PRTG: variants seen among roughly 807,000 people sequenced by gnomAD.
PRTG encodes the protein immunoglobulin superfamily, DCC subclass, member 5.
A neutral mutation model predicts 122.5 loss-of-function variants in PRTG; 67 were observed. The observed-to-expected ratio is 0.55, with a 90% CI of 0.45 to 0.67. The LOEUF (loss-of-function observed/expected upper bound fraction) is 0.67, where lower values mean the gene tolerates loss of function less well. Among genes scored for constraint, PRTG ranks in the 30% least tolerant of loss-of-function variants. The probability of loss-of-function intolerance (pLI) is 0.00; values close to 1 mark genes in which losing one functional copy is unlikely to be tolerated. For missense variants in PRTG, 1,435 were observed against 1,415.4 expected (o/e 1.01, Z -0.22); for synonymous variants, 554 against 501.1 (o/e 1.11, Z -1.41).
chr15:55,658,354 C>T (rs962403080), intron 11 of PRTG, among the ~76,000 whole-genome samples: 13 of 150,328 alleles, frequency 8.6e-5, no homozygotes, highest in African/African-American at 2.7e-4. Flanking sequence ...CTTGCTCTGT[C>T]GCCTAAGTTG....
chr15:55,627,135 G>A lies in PRTG; in HGVS notation c.2807-7C>T, dbSNP rs1595601980. On this transcript the variant is annotated splice_region_variant and splice_polypyrimidine_tract_variant and intron_variant, in intron 16 of 19. Coordinates refer to ENST00000389286, the MANE Select transcript of PRTG (RefSeq NM_173814.6). ...TGGTAATATCCTGAATAAACTAGAA[G>A]GGAAAACACATTTACTCAGAATCAA... 3.2e-6 allele frequency: 5 copies of A among 1,568,900 alleles called. No individual in the cohort carries two copies. Among genetic ancestry groups the A allele is most frequent in the African/African-American group, 1.4e-5 (1 of 73,374 alleles).
intron 2 of PRTG, among the ~76,000 whole-genome samples, chr15:55,705,295 A>G (rs2030057204): frequency 6.6e-6 from 1 of 152,146 alleles, no homozygotes; most frequent in Non-Finnish European, 1.5e-5. Flanking sequence ...ATTCATGCAA[A>G]AAGAACAGGT....
chr15:55,738,857 G>C (rs1454122641), intron 2 of PRTG, among the ~76,000 whole-genome samples: 1 of 143,504 alleles, frequency 7.0e-6, no homozygotes, highest in Non-Finnish European at 1.5e-5. Flanking sequence ...GGCAGAGGAG[G>C]GGAGGGAAGG....
At chr15:55,640,202 C>A (rs1245284922) in intron 12 of PRTG, among the ~76,000 whole-genome samples, 2 of 152,170 alleles carry the variant, frequency 1.3e-5, no homozygotes, top group Admixed American at 6.5e-5. Context: ...AACTGTATAG[C>A]ATGATATTGT....
At chr15:55,733,638 G>A (rs1261838487) in intron 2 of PRTG, among the ~76,000 whole-genome samples, 1 of 151,958 alleles carries the variant, frequency 6.6e-6, no homozygotes, top group South Asian at 2.1e-4. Context: ...GTCAGCCTGG[G>A]CAACATAGCA....
intron 11 of PRTG, among the ~76,000 whole-genome samples, chr15:55,653,790 CCCAAATGACTGG>C (rs1457990912): frequency 6.6e-5 from 10 of 152,166 alleles, no homozygotes; most frequent in Non-Finnish European, 1.2e-4. Flanking sequence ...TAAAACCTCC[CCCAAATGACTGG>C]GATTGTTTTG....
chr15:55,701,492 CCACTG>C (rs756681383), intron 2 of PRTG, among the ~76,000 whole-genome samples: 1 of 152,136 alleles, frequency 6.6e-6, no homozygotes, highest in Non-Finnish European at 1.5e-5. Context: ...CGAGATCACG[CCACTG>C]CACCCCAGCC....
chr15:55,650,416 G>GTTC (rs1289778065), intron 11 of PRTG, among the ~76,000 whole-genome samples: 2 of 152,106 alleles, frequency 1.3e-5, no homozygotes, highest in East Asian at 3.9e-4. Context: ...AAGAAGCATG[G>GTTC]GGAAGAAGAG....
At position 55,732,532 on chromosome 15, in the gene PRTG, C is replaced by T. The variant is rs914351768; in HGVS notation, c.397+7850G>A. On this transcript the variant is annotated intron_variant, in intron 2 of 19. Transcript: ENST00000389286. Reference sequence around the variant, plus strand: ...TTTTTGAGACGGAGTTTCGCTCTTGCTGCCCAGGCTGAAGTGCAATGGCGC... The same window carrying T: ...TTTTTGAGACGGAGTTTCGCTCTTGTTGCCCAGGCTGAAGTGCAATGGCGC... Among the ~76,000 whole-genome samples the T allele has an allele frequency of 1.0e-4, 14 of 137,448 alleles. No individual in the cohort carries two copies. In the East Asian group the frequency reaches 3.1e-3, roughly 30 times the overall value. 90.2% of individuals were successfully genotyped at this position (137,448 alleles called of 152,430 possible).
intron 2 of PRTG, chr15:55,738,757 G>C (rs1237132685): frequency 4.3e-6 from 1 of 230,124 alleles, no homozygotes; most frequent in Non-Finnish European, 8.4e-6. Context: ...CAGAGGGAGG[G>C]AAGAGACAGG....
chr15:55,620,386 T>G (rs1595597428), intron 19 of PRTG, 120 bp from the exon 20 acceptor site: 1 of 1,494,162 alleles, frequency 6.7e-7, no homozygotes, highest in Non-Finnish European at 8.9e-7. Context: ...GCAAGCGAAG[T>G]GTCAAAAGCT....
rs2059134626 is a variant in PRTG, at chr15:55,614,671, T to C, written c.*5341A>G. The C allele has an allele frequency of 6.6e-6, 1 of 152,196 alleles. No individual in the cohort carries two copies. Among genetic ancestry groups the C allele is most frequent in the African/African-American group, 2.4e-5 (1 of 41,454 alleles). The allele number at this position is 152,196 out of a possible 1,614,324, so 9.4% of individuals were successfully genotyped here. ...ATGAGATGTTATTTTATGAAGCACA[T>C]ATTCAGAAACTTTAAAGATAAATTG... On this transcript the variant is annotated 3_prime_UTR_variant, in exon 20 of 20. Transcript: ENST00000389286.
At chr15:55,719,418 C>T (rs1325027387) in intron 2 of PRTG, among the ~76,000 whole-genome samples, 1 of 152,046 alleles carries the variant, frequency 6.6e-6, no homozygotes, top group Non-Finnish European at 1.5e-5. Flanking sequence ...ATCAATTTAA[C>T]AAAAGACATG....
In PRTG at chr15:55,637,176, G is replaced by A. The variant is rs372543315; in HGVS notation, c.2617C>T (p.Arg873Cys). 60 of 1,542,590 alleles carry A rather than the reference G, an allele frequency of 3.9e-5. No individual in the cohort carries two copies. The highest frequency in any genetic ancestry group is 6.9e-5 in the East Asian group (3 of 43,196). The change falls in exon 15 of 20, where the codon CGT becomes TGT. Residue 873 changes from arginine (R) to cysteine (C), a missense_variant. By Grantham distance (180) the Arg-to-Cys change is radical. Transcript: ENST00000389286. ...GGCAATTTATGATATTTACCTTCAC[G>A]GTGTAAGACCTGCCACTCTCCTGCA... ...WIAGEWQVLH[R>C]EGAITMALLE...
At chr15:55,629,130 A>T in intron 15 of PRTG, 126 bp from the exon 16 acceptor site, 1 of 543,972 alleles carries the variant, frequency 1.8e-6, no homozygotes, top group East Asian at 3.0e-5. Flanking sequence ...ATATTGTAGA[A>T]CATTTAGAAA....
At chr15:55,736,687 C>T (rs2031423028) in intron 2 of PRTG, among the ~76,000 whole-genome samples, 1 of 152,074 alleles carries the variant, frequency 6.6e-6, no homozygotes, top group South Asian at 2.1e-4. Flanking sequence ...GTTAAAAAAT[C>T]ATAAAGTTAC....
rs750310513 is a variant in PRTG, at chr15:55,740,680, C to T, written c.99G>A (p.Val33=). ...CAAAAGACAGTTCGCTAAAGCACCACACTCCTATAAGGAAAAAAAAGGAGA... is the reference window on the plus strand; with the variant it reads ...CAAAAGACAGTTCGCTAAAGCACCATACTCCTATAAGGAAAAAAAAGGAGA... The part of the protein sequence containing the change: ...LLLLLSPLPG[V]WCFSELSFVK... Residue 33 remains valine, a synonymous_variant, in exon 2 of 20, where the codon GTG becomes GTA. Transcript: ENST00000389286. 9.3e-6 allele frequency: 15 copies of T among 1,610,464 alleles called. No homozygotes were observed.
At chr15:55,738,681 C>A in intron 2 of PRTG, 1 of 397,192 alleles carries the variant, frequency 2.5e-6, no homozygotes, top group Non-Finnish European at 4.5e-6. Flanking sequence ...AACCATTACT[C>A]CATGAAAAAA....
intron 2 of PRTG, among the ~76,000 whole-genome samples, chr15:55,716,461 T>A (rs2030604407): frequency 6.6e-6 from 1 of 152,172 alleles, no homozygotes; most frequent in Admixed American, 6.5e-5. Flanking sequence ...TAGCCCTTAT[T>A]TGTATGGGAG....
Sources: allele counts gnomAD v4.1 joint callset (sites outside exome capture counted in the v4.1 genomes callset), GRCh38; gene constraint gnomAD v4.1.1; transcripts MANE v1.5; gene names NCBI Gene and HGNC (gene_info 2026-07-23, HGNC 2026-07-21).